RUNX2: variants seen among roughly 807,000 people sequenced by gnomAD.
The protein encoded by RUNX2 is runt-related transcription factor 2.
RUNX2 carries 10 observed loss-of-function variants against 51.7 expected under a neutral mutation model. That is an observed-to-expected ratio of 0.19 (90% CI 0.12 to 0.33). RUNX2 has a LOEUF of 0.33. Ranked by LOEUF, RUNX2 falls within the 10% of genes least tolerant of loss-of-function variation. RUNX2 has a pLI of 1.00. For missense variants in RUNX2, 562 were observed against 691.3 expected (o/e 0.81, Z 2.10); for synonymous variants, 276 against 273.6 (o/e 1.01, Z -0.09).
intron 7 of RUNX2, among the ~76,000 whole-genome samples, chr6:45,539,150 A>G (rs1802139428): frequency 6.6e-6 from 1 of 152,016 alleles, no homozygotes; most frequent in South Asian, 2.1e-4. Flanking sequence ...ATATTCTTCC[A>G]ACAATATCCT....
intron 6 of RUNX2, among the ~76,000 whole-genome samples, chr6:45,507,276 T>G (rs1398114372): frequency 6.6e-6 from 1 of 152,130 alleles, no homozygotes; most frequent in Admixed American, 6.5e-5. Context: ...AAAGACAGTT[T>G]CTTGTTTGTC....
chr6:45,452,744 GA>G (rs1161202186), intron 5 of RUNX2, among the ~76,000 whole-genome samples: 1 of 151,996 alleles, frequency 6.6e-6, no homozygotes, highest in Admixed American at 6.6e-5. Context: ...TTCTCTAAGG[GA>G]AAAAAATAAT....
At chr6:45,348,563 T>G (rs1172309768) in intron 2 of RUNX2, among the ~76,000 whole-genome samples, 1 of 149,116 alleles carries the variant, frequency 6.7e-6, no homozygotes, top group African/African-American at 2.5e-5. Flanking sequence ...TAGTCCCAGC[T>G]ACTCAGGAGA....
At chr6:45,414,379 AT>A (rs922187563) in intron 2 of RUNX2, among the ~76,000 whole-genome samples, 1 of 151,946 alleles carries the variant, frequency 6.6e-6, no homozygotes, top group Non-Finnish European at 1.5e-5. Flanking sequence ...GTTCCAACAC[AT>A]TTTTTTCCCA....
chr6:45,388,444 T>C (rs934128330), intron 2 of RUNX2, among the ~76,000 whole-genome samples: 27 of 152,210 alleles, frequency 1.8e-4, no homozygotes, highest in Admixed American at 1.3e-4. Flanking sequence ...CAGCATCTGC[T>C]TCTCGTTAGA....
At chr6:45,378,329 A>G (rs139918944) in intron 2 of RUNX2, among the ~76,000 whole-genome samples, 1,687 of 152,156 alleles carry the variant, frequency 0.011, 18 homozygotes, top group Non-Finnish European at 0.016. Flanking sequence ...TTGATTTTCA[A>G]CTCCGAGGAA....
At chr6:45,370,572 A>G (rs1795891413) in intron 2 of RUNX2, among the ~76,000 whole-genome samples, 1 of 152,208 alleles carries the variant, frequency 6.6e-6, no homozygotes, top group Admixed American at 6.5e-5. Context: ...AACTTTGTAT[A>G]AGGATATAAG....
intron 2 of RUNX2, among the ~76,000 whole-genome samples, chr6:45,332,796 A>G (rs1787772759): frequency 6.6e-6 from 1 of 151,806 alleles, no homozygotes; most frequent in African/African-American, 2.4e-5. Flanking sequence ...TAATTATGGC[A>G]AAGCATAACT....
intron 5 of RUNX2, among the ~76,000 whole-genome samples, chr6:45,484,250 A>G (rs902261400): frequency 6.6e-6 from 1 of 152,084 alleles, no homozygotes; most frequent in Non-Finnish European, 1.5e-5. Flanking sequence ...GGAGTGGATG[A>G]TGGGGGTCTA....
rs185970643 is a variant in RUNX2 at position 45,482,175 on chromosome 6, T to A, written c.686-9766T>A. 1.6e-4 allele frequency among the ~76,000 whole-genome samples: 25 copies of A among 152,376 alleles called. No homozygotes were observed. The East Asian group carries it at 4.2e-3, about 26-fold the overall frequency. On this transcript the variant is annotated intron_variant, in intron 5 of 8. Transcript: ENST00000647337. ...TTACTTCTCATCTTGTATATTTCCATGATGCTTTCATCCAATCTTTTTAAA... is the reference window on the plus strand; with the variant it reads ...TTACTTCTCATCTTGTATATTTCCAAGATGCTTTCATCCAATCTTTTTAAA...
chr6:45,525,432 T>C (rs544501025), intron 7 of RUNX2, among the ~76,000 whole-genome samples: 1 of 152,336 alleles, frequency 6.6e-6, no homozygotes, highest in South Asian at 2.1e-4. Flanking sequence ...AGAGTGGTAA[T>C]TAAACATTCA....
intron 4 of RUNX2, among the ~76,000 whole-genome samples, chr6:45,434,055 G>A (rs553451491): frequency 2.0e-5 from 3 of 152,078 alleles, no homozygotes; most frequent in African/African-American, 7.2e-5. Flanking sequence ...TAGGGGGAGT[G>A]GGTGGAGAGA....
chr6:45,404,957 G>A lies in RUNX2; in HGVS notation c.59-17636G>A, dbSNP rs576871510. Among the ~76,000 whole-genome samples the A allele has an allele frequency of 1.3e-4, 20 of 152,300 alleles. No individual in the cohort carries two copies. In the South Asian group the frequency reaches 2.7e-3, roughly 20 times the overall value. On this transcript the variant is annotated intron_variant, in intron 2 of 8. Transcript: ENST00000647337. ...GCAGATCATTGTTGAAACTTATCCCGGTTGCTGGAAAATTTTTCATTGAGA... is the reference window on the plus strand; with the variant it reads ...GCAGATCATTGTTGAAACTTATCCCAGTTGCTGGAAAATTTTTCATTGAGA...
intron 5 of RUNX2, among the ~76,000 whole-genome samples, chr6:45,450,571 A>G (rs1799138743): frequency 6.6e-6 from 1 of 152,226 alleles, no homozygotes; most frequent in Non-Finnish European, 1.5e-5. Context: ...TGTAAAGGGA[A>G]CTGATGTCAT....
intron 5 of RUNX2, among the ~76,000 whole-genome samples, chr6:45,465,472 A>G (rs1395890677): frequency 1.3e-5 from 2 of 152,160 alleles, no homozygotes; most frequent in African/African-American, 2.4e-5. Context: ...AAATATTAAT[A>G]TTTAATTAAT....
At chr6:45,377,729 C>A (rs1400711709) in intron 2 of RUNX2, 1 of 152,370 alleles carries the variant, frequency 6.6e-6, no homozygotes, top group African/African-American at 2.4e-5. Context: ...ACGTCTCCCC[C>A]GCCCGAATCC....
At chr6:45,499,313 G>A (rs1800733745) in intron 6 of RUNX2, among the ~76,000 whole-genome samples, 1 of 145,274 alleles carries the variant, frequency 6.9e-6, no homozygotes. Flanking sequence ...GTGTGAGCAG[G>A]GAATCTGTAC....
intron 2 of RUNX2, among the ~76,000 whole-genome samples, chr6:45,372,333 T>C (rs6928753): frequency 0.42 from 63,210 of 152,054 alleles, 13,923 homozygotes; most frequent in Non-Finnish European, 0.5. Context: ...TAGTTCATGC[T>C]GATGATGATG....
chr6:45,530,901 G>C (rs1338908495), intron 7 of RUNX2, among the ~76,000 whole-genome samples: 3 of 152,208 alleles, frequency 2.0e-5, no homozygotes, highest in Non-Finnish European at 4.4e-5. Flanking sequence ...AAAGGTGAGA[G>C]TAAAAATAAA....
Sources: gnomAD v4.1 joint callset for allele counts (sites outside exome capture counted in the v4.1 genomes callset) on GRCh38, gnomAD v4.1.1 for gene constraint, MANE v1.5 for transcripts, NCBI Gene and HGNC (gene_info 2026-07-23, HGNC 2026-07-21) for gene names.